KCNQ1OT1: variants seen among roughly 807,000 people sequenced by gnomAD.
KCNQ1OT1 encodes KCNQ1 opposite strand/antisense transcript 1.
At position 2,682,725 on chromosome 11, in the gene KCNQ1OT1, T is replaced by G. The variant is rs1486615944; in HGVS notation, n.17270A>C. 1 of 398,404 alleles carries G rather than the reference T, an allele frequency of 2.5e-6. No individual in the cohort carries two copies. The highest frequency in any genetic ancestry group is 2.1e-5 in the African/African-American group (1 of 48,576). The allele number at this position is 398,404 out of a possible 1,614,324, so 24.7% of individuals were successfully genotyped here. A position where few individuals can be genotyped will look rare whatever the true frequency, so the allele number is the denominator to read the frequency against. On this transcript the variant is annotated non_coding_transcript_exon_variant, in exon 1 of 1. Coordinates refer to ENST00000597346, the Ensembl canonical transcript of KCNQ1OT1. This position sits in a 1 kb window ranked among gnomAD's most constrained non-coding sequence, Gnocchi z 5.8. ...CCAGAATATCTCTAGTCATAAAGAA[T>G]CTCTTCCCCTTGAGCCCACTCATCT...
chr11:2,679,189 C>T lies in KCNQ1OT1; in HGVS notation n.20806G>A. 1 of 398,632 alleles carries T rather than the reference C, an allele frequency of 2.5e-6. No individual in the cohort carries two copies. The highest frequency in any genetic ancestry group is 3.6e-5 in the East Asian group (1 of 28,066). 24.7% of individuals were successfully genotyped at this position (398,632 alleles called of 1,614,324 possible). A position where few individuals can be genotyped will look rare whatever the true frequency, so the allele number is the denominator to read the frequency against. The stretch of plus-strand genomic sequence containing the variant: ...AGTTTCCATGTCTGAGTTAGGCCAC[C>T]TGTAACAATGCAGCCCCATCCATGT... On this transcript the variant is annotated non_coding_transcript_exon_variant, in exon 1 of 1. Coordinates refer to ENST00000597346, the Ensembl canonical transcript of KCNQ1OT1. The surrounding 1 kb of genome is among the most constrained non-coding windows in gnomAD (Gnocchi z 4.8).
chr11:2,654,326 G>C lies in KCNQ1OT1; in HGVS notation n.45669C>G. 2.5e-6 allele frequency: 1 copy of C among 398,748 alleles called. No individual in the cohort carries two copies. The highest frequency in any genetic ancestry group is 4.4e-5 in the Admixed American group (1 of 22,716). The allele number at this position is 398,748 out of a possible 1,614,324, so 24.7% of individuals were successfully genotyped here. ...GATTTCTTGAGGGGGCCAGGGAGGGGGCTTCTACTTGCAAAGGATAGGGAG... is the reference window on the plus strand; with the variant it reads ...GATTTCTTGAGGGGGCCAGGGAGGGCGCTTCTACTTGCAAAGGATAGGGAG... On this transcript the variant is annotated non_coding_transcript_exon_variant, in exon 1 of 1. Transcript: ENST00000597346. The surrounding 1 kb of genome is among the most constrained non-coding windows in gnomAD (Gnocchi z 6.4).
chr11:2,654,926 C>G lies in KCNQ1OT1; in HGVS notation n.45069G>C, dbSNP rs1485201800. ...AGGTCGTGGGCCAGAGAGCAAGGCA[C>G]AGATACAGGAGACTTCCACAAATTA... On this transcript the variant is annotated non_coding_transcript_exon_variant, in exon 1 of 1. Transcript: ENST00000597346. The surrounding 1 kb of genome is among the most constrained non-coding windows in gnomAD (Gnocchi z 6.4). The G allele has an allele frequency of 2.5e-6, 1 of 398,402 alleles. No individual in the cohort carries two copies. The highest frequency in any genetic ancestry group is 2.1e-5 in the African/African-American group (1 of 48,564). The allele number at this position is 398,402 out of a possible 1,614,324, so 24.7% of individuals were successfully genotyped here. A position where few individuals can be genotyped will look rare whatever the true frequency, so the allele number is the denominator to read the frequency against.
chr11:2,650,544 A>T (rs1339542936), exon 1 of KCNQ1OT1: 1 of 398,562 alleles, frequency 2.5e-6, no homozygotes, highest in Non-Finnish European at 4.4e-6. Flanking sequence ...CTGCAAGTTC[A>T]TCAGTGGCTT....
Position 2,642,690 on chromosome 11 carries a change from C to T in KCNQ1OT1, n.57305G>A. 1 of 397,668 alleles carries T rather than the reference C, an allele frequency of 2.5e-6. No homozygotes were observed. Among genetic ancestry groups the T allele is most frequent in the African/African-American group, 2.1e-5 (1 of 48,672 alleles). The allele number at this position is 397,668 out of a possible 1,614,324, so 24.6% of individuals were successfully genotyped here. ...TGCTCTGATCTTCGTTATTTCTTTC[C>T]TTCTACTAATTTTATGTTTAGTATG... is the stretch of plus-strand genomic sequence containing the variant. On this transcript the variant is annotated non_coding_transcript_exon_variant, in exon 1 of 1. Transcript: ENST00000597346. The surrounding 1 kb of genome is among the most constrained non-coding windows in gnomAD (Gnocchi z 4.3).
Position 2,661,056 on chromosome 11 carries a change from AG to A in KCNQ1OT1, n.38938del. 2.5e-6 allele frequency: 1 copy of A among 398,604 alleles called. No homozygotes were observed. The highest frequency in any genetic ancestry group is 4.4e-5 in the Admixed American group (1 of 22,726). The allele number at this position is 398,604 out of a possible 1,614,324, so 24.7% of individuals were successfully genotyped here. ...AAATGAGCTTATGTTACAGAGTGAC[AG>A]GAACAGAGTCACAGTGACATCCCAT... On this transcript the variant is annotated non_coding_transcript_exon_variant, in exon 1 of 1. Transcript: ENST00000597346. This position sits in a 1 kb window ranked among gnomAD's most constrained non-coding sequence, Gnocchi z 5.9.
At chr11:2,619,002 A>G in exon 1 of KCNQ1OT1, 1 of 398,382 alleles carries the variant, frequency 2.5e-6, no homozygotes, top group Non-Finnish European at 4.4e-6. Context: ...TAGAAATGCA[A>G]CTACTGTTTT....
exon 1 of KCNQ1OT1, chr11:2,610,907 T>C: frequency 2.5e-6 from 1 of 398,212 alleles, no homozygotes; most frequent in East Asian, 3.6e-5. Context: ...AGAATAGTAG[T>C]TGGGTAATAG....
At chr11:2,633,277 C>T (rs1260650940) in exon 1 of KCNQ1OT1, 1 of 398,372 alleles carries the variant, frequency 2.5e-6, no homozygotes, top group African/African-American at 2.1e-5. Flanking sequence ...CTTGTATATT[C>T]CGGATATTAA....
At position 2,679,698 on chromosome 11, in the gene KCNQ1OT1, A is replaced by T. The variant is rs1850355461; in HGVS notation, n.20297T>A. ...AGGATCCCAGATTAGATTTTTTTTA[A>T]ATCAGCCGTTCTCTGTATTCTTGTC... is the stretch of plus-strand genomic sequence containing the variant. On this transcript the variant is annotated non_coding_transcript_exon_variant, in exon 1 of 1. Coordinates refer to ENST00000597346, the Ensembl canonical transcript of KCNQ1OT1. This position sits in a 1 kb window ranked among gnomAD's most constrained non-coding sequence, Gnocchi z 4.8. The T allele has an allele frequency of 2.5e-6, 1 of 398,416 alleles. No homozygotes were observed. Among genetic ancestry groups the T allele is most frequent in the South Asian group, 1.3e-4 (1 of 7,852 alleles). 24.7% of individuals were successfully genotyped at this position (398,416 alleles called of 1,614,324 possible).
chr11:2,611,743 A>G lies in KCNQ1OT1; in HGVS notation n.88252T>C, dbSNP rs1589980856. 6 of 398,428 alleles carry G rather than the reference A, an allele frequency of 1.5e-5. No homozygotes were observed. The East Asian group carries it at 2.1e-4, about 14-fold the overall frequency. 24.7% of individuals were successfully genotyped at this position (398,428 alleles called of 1,614,324 possible). On this transcript the variant is annotated non_coding_transcript_exon_variant, in exon 1 of 1. Coordinates refer to ENST00000597346, the Ensembl canonical transcript of KCNQ1OT1. The surrounding 1 kb of genome is among the most constrained non-coding windows in gnomAD (Gnocchi z 5.3). The stretch of plus-strand genomic sequence containing the variant: ...TGATATGGAAGGATTTATATCTACC[A>G]TGTTGTTATTTATTTTCTATATGTC...
exon 1 of KCNQ1OT1, chr11:2,638,873 T>A (rs528166966): frequency 2.6e-5 from 4 of 152,382 alleles, no homozygotes; most frequent in African/African-American, 7.2e-5. Flanking sequence ...GATTTGGTCT[T>A]TTCACATAGT....
exon 1 of KCNQ1OT1, chr11:2,662,988 G>A: frequency 5.0e-6 from 2 of 398,790 alleles, no homozygotes; most frequent in Non-Finnish European, 4.4e-6. Context: ...CAGGTGCAAG[G>A]CCTGGCCTTG....
rs1328427001 is a variant in KCNQ1OT1 at position 2,627,117 on chromosome 11, T to C, written n.72878A>G. The stretch of plus-strand genomic sequence containing the variant: ...TTTCAGCATTGTTTTGTAATTTTCA[T>C]TGTACAAGACTTTCACCTCCTTGGT... On this transcript the variant is annotated non_coding_transcript_exon_variant, in exon 1 of 1. Transcript: ENST00000597346. This position sits in a 1 kb window ranked among gnomAD's most constrained non-coding sequence, Gnocchi z 4.9. The C allele has an allele frequency of 5.0e-6, 2 of 398,586 alleles. No homozygotes were observed. Among genetic ancestry groups the C allele is most frequent in the Non-Finnish European group, 8.8e-6 (2 of 226,048 alleles). 24.7% of individuals were successfully genotyped at this position (398,586 alleles called of 1,614,324 possible).
At chr11:2,681,646 C>T in exon 1 of KCNQ1OT1, 1 of 396,690 alleles carries the variant, frequency 2.5e-6, no homozygotes, top group Admixed American at 4.4e-5. Context: ...CTATCTCTCC[C>T]TCTCTCAGGA....
exon 1 of KCNQ1OT1, chr11:2,619,331 T>C (rs993653429): frequency 2.5e-6 from 1 of 398,428 alleles, no homozygotes; most frequent in African/African-American, 2.1e-5. Context: ...TGGCATTCGT[T>C]ATATTGAGGA....
At chr11:2,618,308 TA>T (rs574206243) in exon 1 of KCNQ1OT1, 9 of 398,342 alleles carry the variant, frequency 2.3e-5, no homozygotes, top group Non-Finnish European at 4.0e-5. Flanking sequence ...GCTGATGGGC[TA>T]AAAAAATGCA....
exon 1 of KCNQ1OT1, chr11:2,672,346 G>C: frequency 2.5e-6 from 1 of 398,714 alleles, no homozygotes; most frequent in Non-Finnish European, 4.4e-6. Flanking sequence ...TGCAGAAGCA[G>C]TGTGGTGGGG....
chr11:2,632,857 G>C, exon 1 of KCNQ1OT1: 1 of 398,342 alleles, frequency 2.5e-6, no homozygotes, highest in Non-Finnish European at 4.4e-6. Context: ...CTTAACTGTT[G>C]TGAACAGTAC....
Sources: gnomAD v4.1 joint callset for allele counts on GRCh38, gnomAD v4.1.1 for gene constraint, Gnocchi (gnomAD v3.1) non-coding constraint, MANE v1.5 for transcripts, NCBI Gene and HGNC (gene_info 2026-07-23, HGNC 2026-07-21) for gene names.